The following ABCB1 variants were observed in gnomAD, a reference collection of about 807,000 sequenced individuals.
ABCB1 encodes ATP-dependent translocase ABCB1.
ABCB1 carries 69 observed loss-of-function variants against 142.0 expected under a neutral mutation model. The observed-to-expected ratio is 0.49, with a 90% CI of 0.40 to 0.59. The LOEUF (loss-of-function observed/expected upper bound fraction) is 0.59, where lower values mean the gene tolerates loss of function less well. Ranked by LOEUF, ABCB1 falls within the 20% of genes least tolerant of loss-of-function variation. The probability of loss-of-function intolerance (pLI) is 0.00; values close to 1 mark genes in which losing one functional copy is unlikely to be tolerated. For synonymous variants in ABCB1, 532 were observed against 539.2 expected, an observed-to-expected ratio of 0.99 and a Z score of 0.18; for missense variants, 1,326 against 1,554.7, an observed-to-expected ratio of 0.85 and a Z score of 2.47.
intron 1 of ABCB1, among the ~76,000 whole-genome samples, chr7:87,640,930 C>A (rs1405323582): frequency 6.6e-6 from 1 of 151,550 alleles, no homozygotes; most frequent in African/African-American, 2.4e-5. Flanking sequence ...TACCTATGTA[C>A]TTCATTTCTT....
chr7:87,648,998 A>G (rs995608159), intron 1 of ABCB1, among the ~76,000 whole-genome samples: 1 of 152,074 alleles, frequency 6.6e-6, no homozygotes, highest in Non-Finnish European at 1.5e-5. Context: ...TAGCATAACT[A>G]TCAAGAGTAA....
chr7:87,516,246 TA>T (rs1302857164), intron 24 of ABCB1, among the ~76,000 whole-genome samples: 2 of 151,232 alleles, frequency 1.3e-5, no homozygotes, highest in Non-Finnish European at 3.0e-5. Context: ...ACTCTGTCTC[TA>T]AAAAAAAATT....
At chr7:87,583,903 T>G (rs1213682552) in intron 4 of ABCB1, among the ~76,000 whole-genome samples, 2 of 152,170 alleles carry the variant, frequency 1.3e-5, no homozygotes, top group Non-Finnish European at 2.9e-5. Context: ...ATGAAGTATT[T>G]GATTCTTCCA....
rs1563031533 is a variant in ABCB1 at position 87,519,319 on chromosome 7, T to A, written c.2927+7A>T. On this transcript the variant is annotated splice_region_variant and intron_variant, in intron 23 of 27. Transcript: ENST00000622132. ...AGAGCTTAACTAAATAATAGCCCAA[T>A]ACTTACAACAGAACATCCTCAAAGC... 1 of 1,613,610 alleles carries A rather than the reference T, an allele frequency of 6.2e-7. No homozygotes were observed. The highest frequency in any genetic ancestry group is 1.7e-5 in the Admixed American group (1 of 60,014).
At chr7:87,514,646 C>G (rs1435372862) in intron 25 of ABCB1, among the ~76,000 whole-genome samples, 1 of 152,158 alleles carries the variant, frequency 6.6e-6, no homozygotes, top group Non-Finnish European at 1.5e-5. Context: ...CCTTATTTGC[C>G]TTTCTTTTAC....
chr7:87,569,694 G>C (rs554865653), intron 5 of ABCB1, among the ~76,000 whole-genome samples: 1 of 151,630 alleles, frequency 6.6e-6, no homozygotes, highest in East Asian at 1.9e-4. Context: ...CTTTTTTTGT[G>C]GGGGGGTGTG....
At chr7:87,668,271 T>C (rs1443204717) in intron 1 of ABCB1, among the ~76,000 whole-genome samples, 2 of 152,018 alleles carry the variant, frequency 1.3e-5, no homozygotes, top group African/African-American at 4.8e-5. Context: ...AGTTTGTGTA[T>C]GTAGAGGTGT....
intron 1 of ABCB1, among the ~76,000 whole-genome samples, chr7:87,610,400 T>A (rs59078698): frequency 3.8e-5 from 5 of 130,386 alleles, no homozygotes; most frequent in African/African-American, 1.1e-4. Context: ...CCTGGCCTTT[T>A]TTTTTTTTTT....
At chr7:87,625,471 T>TCTCTCC (rs1284900185) in intron 1 of ABCB1, among the ~76,000 whole-genome samples, 1 of 152,194 alleles carries the variant, frequency 6.6e-6, no homozygotes, top group Non-Finnish European at 1.5e-5. Context: ...GCATGTGTGT[T>TCTCTCC]CTCTCCCTCA....
At chr7:87,611,271 G>A (rs1019805248) in intron 1 of ABCB1, among the ~76,000 whole-genome samples, 6 of 152,064 alleles carry the variant, frequency 3.9e-5, no homozygotes, top group African/African-American at 1.4e-4. Context: ...GCTCCTTGGA[G>A]CTTTTCTAGG....
chr7:87,541,507 G>A lies in ABCB1; in HGVS notation c.2212-43C>T, dbSNP rs775864827. On this transcript the variant is annotated intron_variant, in intron 17 of 27. Coordinates refer to ENST00000622132, the MANE Select transcript of ABCB1 (RefSeq NM_001348946.2). ...AAGGATTTTTAGTTCAATCAGTGAA[G>A]AACCCATCCTGGACCTGACCCATTT... 1.2e-5 allele frequency: 16 copies of A among 1,356,558 alleles called. No homozygotes were observed. In the South Asian group the frequency reaches 1.9e-4, roughly 16 times the overall value. 84.0% of individuals were successfully genotyped at this position (1,356,558 alleles called of 1,614,324 possible). A position where few individuals can be genotyped will look rare whatever the true frequency, so the allele number is the denominator to read the frequency against.
At chr7:87,570,308 T>G in intron 4 of ABCB1, 85 bp from the exon 5 acceptor site, 1 of 1,273,354 alleles carries the variant, frequency 7.9e-7, no homozygotes, top group Non-Finnish European at 1.1e-6. Flanking sequence ...CAAACTCATT[T>G]CATTTAATGA....
In ABCB1 at chr7:87,503,279, C is replaced by T. The variant is rs1458796195; in HGVS notation, c.*964G>A. On this transcript the variant is annotated 3_prime_UTR_variant, in exon 28 of 28. Transcript: ENST00000622132. Reference sequence around the variant, plus strand: ...TTATAATGTTAATAATGCTTTTTGGCTAATTTAAAAAAATTTGTCGTCCAG... The same window carrying T: ...TTATAATGTTAATAATGCTTTTTGGTTAATTTAAAAAAATTTGTCGTCCAG... Among the ~76,000 whole-genome samples the T allele has an allele frequency of 1.3e-5, 2 of 151,382 alleles. No individual in the cohort carries two copies. Among genetic ancestry groups the T allele is most frequent in the African/African-American group, 4.9e-5 (2 of 41,182 alleles).
chr7:87,564,260 G>C (rs557475710), intron 7 of ABCB1: 1 of 347,094 alleles, frequency 2.9e-6, no homozygotes, highest in African/African-American at 2.2e-5. Context: ...GTCTACTTTT[G>C]TGAGCTGTGG....
chr7:87,612,962 T>C (rs998714025), intron 1 of ABCB1, among the ~76,000 whole-genome samples: 1 of 151,830 alleles, frequency 6.6e-6, no homozygotes, highest in Non-Finnish European at 1.5e-5. Context: ...AGTTGTTCCT[T>C]TAGAGATCTT....
chr7:87,622,716 C>T (rs927012472), intron 1 of ABCB1, among the ~76,000 whole-genome samples: 19 of 151,990 alleles, frequency 1.3e-4, no homozygotes, highest in African/African-American at 4.3e-4. Context: ...CTCAAAAAGG[C>T]AGTGAAACAT....
At chr7:87,534,656 G>A (rs934097938) in intron 20 of ABCB1, among the ~76,000 whole-genome samples, 3 of 152,012 alleles carry the variant, frequency 2.0e-5, no homozygotes, top group Admixed American at 6.6e-5. Context: ...GCTCACACCT[G>A]TAATCTCAAC....
intron 1 of ABCB1, among the ~76,000 whole-genome samples, chr7:87,687,177 A>G (rs867732124): frequency 1.3e-5 from 2 of 152,134 alleles, no homozygotes; most frequent in Non-Finnish European, 2.9e-5. Context: ...ATATTTGTGT[A>G]CAGCTAGTTT....
intron 1 of ABCB1, among the ~76,000 whole-genome samples, chr7:87,696,115 A>T (rs1234136761): frequency 2.6e-5 from 4 of 152,186 alleles, no homozygotes; most frequent in African/African-American, 9.6e-5. Flanking sequence ...GTTAACTTCC[A>T]AGAATACTTA....
Sources: gnomAD v4.1 joint callset for allele counts (sites outside exome capture counted in the v4.1 genomes callset) on GRCh38, gnomAD v4.1.1 for gene constraint, MANE v1.5 for transcripts, NCBI Gene and HGNC (gene_info 2026-07-23, HGNC 2026-07-21) for gene names.